ADK: variants seen among roughly 807,000 people sequenced by gnomAD.
The protein encoded by ADK is adenosine kinase.
In ADK, 24 loss-of-function variants were observed where a neutral mutation model predicts 44.7. The ratio of observed to expected loss-of-function variants is 0.54; its 90% CI spans 0.39 to 0.76. The LOEUF (loss-of-function observed/expected upper bound fraction) is 0.76. Among genes scored for constraint, ADK ranks in the 30% least tolerant of loss-of-function variants. The pLI, the probability that ADK is intolerant of heterozygous loss-of-function variation, is 0.00. For missense variants in ADK, 321 were observed against 425.1 expected (o/e 0.76, Z 2.15); for synonymous variants, 128 against 142.6 (o/e 0.90, Z 0.73).
intron 4 of ADK, among the ~76,000 whole-genome samples, chr10:74,392,347 G>A (rs1476089476): frequency 6.6e-6 from 1 of 152,042 alleles, no homozygotes; most frequent in Non-Finnish European, 1.5e-5. Context: ...GTTTTCGGTA[G>A]TAACCATCCT....
chr10:74,423,705 G>A, intron 6 of ADK: 1 of 444,518 alleles, frequency 2.2e-6, no homozygotes, highest in Non-Finnish European at 4.5e-6. Context: ...TGTTGGGGCT[G>A]GCCTGCCTCT....
intron 9 of ADK, among the ~76,000 whole-genome samples, chr10:74,664,218 A>G (rs1166662785): frequency 1.3e-5 from 2 of 152,234 alleles, no homozygotes; most frequent in Admixed American, 1.3e-4. Flanking sequence ...TAATGAGGAC[A>G]TTCTCTGTTT....
intron 4 of ADK, chr10:74,371,853 A>G: frequency 7.4e-7 from 1 of 1,346,834 alleles, no homozygotes; most frequent in Non-Finnish European, 1.1e-6. Flanking sequence ...CACTCCTGGA[A>G]CCTTCACTAA....
intron 6 of ADK, among the ~76,000 whole-genome samples, chr10:74,408,578 C>A (rs561470459): frequency 1.3e-5 from 2 of 152,010 alleles, no homozygotes; most frequent in Non-Finnish European, 2.9e-5. Context: ...GGCACTGACC[C>A]CTTCGAAAAT....
intron 6 of ADK, among the ~76,000 whole-genome samples, chr10:74,466,214 G>A (rs550602429): frequency 7.2e-5 from 11 of 152,136 alleles, no homozygotes; most frequent in Non-Finnish European, 1.3e-4. Context: ...TTCCTATGCA[G>A]TTAAGAGAAG....
intron 3 of ADK, among the ~76,000 whole-genome samples, chr10:74,301,099 A>G (rs1840016307): frequency 1.3e-5 from 2 of 152,242 alleles, no homozygotes. Flanking sequence ...ATCATATGCT[A>G]TTGGATTTAT....
At chr10:74,216,460 C>T (rs568521341) in intron 2 of ADK, among the ~76,000 whole-genome samples, 3 of 152,126 alleles carry the variant, frequency 2.0e-5, no homozygotes, top group South Asian at 4.2e-4. Context: ...TGCAGTGGCT[C>T]GCACCTGTAA....
At chr10:74,472,128 A>G (rs1846613951) in intron 6 of ADK, among the ~76,000 whole-genome samples, 1 of 152,106 alleles carries the variant, frequency 6.6e-6, no homozygotes. Context: ...TCACGAGTTC[A>G]GGAGTTCAAG....
intron 4 of ADK, among the ~76,000 whole-genome samples, chr10:74,385,645 C>G (rs1250057548): frequency 6.6e-6 from 1 of 152,178 alleles, no homozygotes; most frequent in Non-Finnish European, 1.5e-5. Flanking sequence ...ATCACAGTCT[C>G]AGGGCACTGT....
intron 9 of ADK, among the ~76,000 whole-genome samples, chr10:74,634,229 G>A (rs1390902256): frequency 3.3e-5 from 5 of 151,042 alleles, no homozygotes; most frequent in South Asian, 2.1e-4. Flanking sequence ...TTTTTGAGAC[G>A]AGTCTCGCCC....
chr10:74,321,361 G>A (rs933805701), intron 4 of ADK, among the ~76,000 whole-genome samples: 1 of 151,806 alleles, frequency 6.6e-6, no homozygotes, highest in Non-Finnish European at 1.5e-5. Context: ...ACAGCTCACT[G>A]CATCCTTGAC....
At chr10:74,369,572 A>G (rs1198281757) in intron 4 of ADK, among the ~76,000 whole-genome samples, 1 of 152,216 alleles carries the variant, frequency 6.6e-6, no homozygotes, top group Non-Finnish European at 1.5e-5. Context: ...CAGAACAAGC[A>G]TTTGATAAAA....
At chr10:74,426,871 C>T (rs1844814878) in intron 6 of ADK, among the ~76,000 whole-genome samples, 2 of 151,782 alleles carry the variant, frequency 1.3e-5, no homozygotes, top group South Asian at 4.2e-4. Flanking sequence ...TATACATGTG[C>T]CATGGTGGTT....
chr10:74,531,543 GT>G (rs1458757088), intron 7 of ADK, among the ~76,000 whole-genome samples: 1 of 152,056 alleles, frequency 6.6e-6, no homozygotes, highest in Non-Finnish European at 1.5e-5. Flanking sequence ...TTGTTTGTTT[GT>G]TTGTTTTGAG....
At chr10:74,644,663 A>G (rs1341997742) in intron 9 of ADK, among the ~76,000 whole-genome samples, 4 of 152,130 alleles carry the variant, frequency 2.6e-5, no homozygotes, top group African/African-American at 9.7e-5. Context: ...GCTCCTGAGT[A>G]GCTAGGAGAA....
chr10:74,581,335 G>A (rs1851367817), intron 7 of ADK, among the ~76,000 whole-genome samples: 1 of 151,986 alleles, frequency 6.6e-6, no homozygotes, highest in Non-Finnish European at 1.5e-5. Flanking sequence ...CACTACAGAA[G>A]AAAAGATTAA....
At chr10:74,160,517 A>T (rs1339966555) in intron 1 of ADK, among the ~76,000 whole-genome samples, 1 of 152,126 alleles carries the variant, frequency 6.6e-6, no homozygotes, top group East Asian at 1.9e-4. Context: ...TTTTTCCTGG[A>T]TGAAGCCAAG....
chr10:74,182,479 C>T (rs552000529), intron 1 of ADK, among the ~76,000 whole-genome samples: 5 of 152,178 alleles, frequency 3.3e-5, no homozygotes, highest in African/African-American at 1.2e-4. Flanking sequence ...AGCAATTATC[C>T]TCTCTCAGCC....
At chr10:74,498,419 G>C (rs564468545) in intron 6 of ADK, among the ~76,000 whole-genome samples, 189 of 152,288 alleles carry the variant, frequency 1.2e-3, no homozygotes, top group African/African-American at 4.5e-3. Context: ...AAAACCATAA[G>C]CTGTCTACTA....
Sources: allele counts gnomAD v4.1 joint callset (sites outside exome capture counted in the v4.1 genomes callset), GRCh38; gene constraint gnomAD v4.1.1; transcripts MANE v1.5; gene names NCBI Gene and HGNC (gene_info 2026-07-23, HGNC 2026-07-21).